SP140: variants seen among roughly 807,000 people sequenced by gnomAD.
The protein encoded by SP140 is nuclear body protein SP140.
SP140 carries 81 observed loss-of-function variants against 125.0 expected under a neutral mutation model. The ratio of observed to expected loss-of-function variants is 0.65; its 90% CI spans 0.54 to 0.78. SP140 has a LOEUF of 0.78. Ranked by LOEUF, SP140 falls within the 30% of genes least tolerant of loss-of-function variation. SP140 has a pLI of 0.00. For synonymous variants in SP140, 312 were observed against 354.0 expected, an observed-to-expected ratio of 0.88 and a Z score of 1.33; for missense variants, 858 against 1,037.0, an observed-to-expected ratio of 0.83 and a Z score of 2.37.
intron 1 of SP140, among the ~76,000 whole-genome samples, chr2:230,205,013 G>A (rs2043608073): frequency 6.6e-6 from 1 of 152,184 alleles, no homozygotes. Context: ...AGTTAGACTG[G>A]ATAGAACTTT....
At chr2:230,273,735 G>A (rs1312873157) in intron 15 of SP140, among the ~76,000 whole-genome samples, 2 of 152,146 alleles carry the variant, frequency 1.3e-5, no homozygotes, top group South Asian at 2.1e-4. Context: ...AGAAAATGTG[G>A]TTCATGTACA....
At chr2:230,191,979 A>T in the SP140 span, among the ~76,000 whole-genome samples, 3 of 152,348 alleles carry the variant, frequency 2.0e-5, no homozygotes, top group East Asian at 3.9e-4. Flanking sequence ...GGTTGGTTCA[A>T]CATACACAAA....
intron 22 of SP140, among the ~76,000 whole-genome samples, chr2:230,302,145 G>A (rs2149553444): frequency 6.6e-6 from 1 of 152,108 alleles, no homozygotes; most frequent in Middle Eastern, 3.4e-3. Flanking sequence ...ACTCACTTTG[G>A]GAGGCCGAGG....
intron 1 of SP140, 94 bp from the exon 2 acceptor site, chr2:230,236,989 T>C: frequency 1.2e-6 from 1 of 858,722 alleles, no homozygotes; most frequent in Non-Finnish European, 1.7e-6. Context: ...ATGTTGGCTC[T>C]CCATTGGCCA....
chr2:230,247,811 T>C, intron 7 of SP140, 105 bp from the exon 8 acceptor site: 1 of 1,217,520 alleles, frequency 8.2e-7, no homozygotes, highest in Non-Finnish European at 1.2e-6. Flanking sequence ...GCCCTGTGCT[T>C]GAAAAAGTCA....
intron 3 of SP140, 145 bp downstream of exon 3, chr2:230,238,526 C>T (rs2048288996): frequency 4.8e-6 from 4 of 835,976 alleles, no homozygotes; most frequent in Admixed American, 5.7e-5. Context: ...GATGAAAAAA[C>T]ACACATGTCC....
At chr2:230,298,983 G>A (rs1459668360) in intron 22 of SP140, among the ~76,000 whole-genome samples, 1 of 152,210 alleles carries the variant, frequency 6.6e-6, no homozygotes, top group Non-Finnish European at 1.5e-5. Flanking sequence ...ACTCTCCTGA[G>A]AGGAGTCTAA....
upstream of SP140, among the ~76,000 whole-genome samples, chr2:230,201,368 T>C (rs2043169127): frequency 6.6e-6 from 1 of 152,206 alleles, no homozygotes; most frequent in East Asian, 1.9e-4. Context: ...TTTGTACAGA[T>C]TGAGCAAGAG....
At position 230,245,926 on chromosome 2, in the gene SP140, C is replaced by T. The variant is rs942616005; in HGVS notation, c.728C>T (p.Pro243Leu). Residue 243 changes from proline to leucine, a missense_variant, in exon 7 of 27, where the codon CCT becomes CTT. Around this residue, in one of 4 missense-constraint regions of SP140, gnomAD observed 791 missense variants for 869.5 expected, o/e 0.91. Coordinates refer to ENST00000392045, the MANE Select transcript of SP140 (RefSeq NM_007237.5). ...GESEEMPKLL[P>L]YDTEVLESNG... ...TCAGAAGAAATGCCCAAGTTACTGC[C>T]TTATGATACAGAAGGTAATTAGGAT... 3.1e-6 allele frequency: 5 copies of T among 1,594,048 alleles called. No individual in the cohort carries two copies. The Admixed American group carries it at 6.7e-5, about 21-fold the overall frequency.
At chr2:230,307,285 C>T (rs2058849952) in intron 22 of SP140, among the ~76,000 whole-genome samples, 1 of 152,214 alleles carries the variant, frequency 6.6e-6, no homozygotes, top group African/African-American at 2.4e-5. Context: ...CATTTGTCAG[C>T]GTCCCTCATT....
intron 15 of SP140, among the ~76,000 whole-genome samples, chr2:230,273,928 C>T (rs2054323175): frequency 6.6e-6 from 1 of 152,058 alleles, no homozygotes; most frequent in South Asian, 2.1e-4. Context: ...AGGAGAACAA[C>T]ACACACTGAA....
At chr2:230,311,714 A>G in intron 26 of SP140, 119 bp downstream of exon 26, 1 of 1,076,174 alleles carries the variant, frequency 9.3e-7, no homozygotes, top group Non-Finnish European at 1.4e-6. Context: ...AGGGTTCTGG[A>G]AGTGATTGAT....
At chr2:230,271,763 C>G (rs888979271) in intron 15 of SP140, among the ~76,000 whole-genome samples, 3 of 152,098 alleles carry the variant, frequency 2.0e-5, no homozygotes, top group African/African-American at 7.2e-5. Context: ...CCAGCCTATC[C>G]AGGTCAAAAA....
Position 230,241,467 on chromosome 2 carries a change from T to C in SP140, c.470T>C (p.Leu157Ser). ...AACGATTTAGAAGATAGACCCAGAT[T>C]ACTACCATATGGTAAACAAGGTAAC... ...NVNDLEDRPR[L>S]LPYGKQENSN... Residue 157 changes from leucine to serine, a missense_variant, in exon 4 of 27, where the codon TTA (leucine) becomes TCA (serine). Physicochemically the swap from Leu to Ser is moderately radical, Grantham distance 145. Transcript: ENST00000392045. The C allele has an allele frequency of 6.3e-7, 1 of 1,578,200 alleles. No homozygotes were observed. The highest frequency in any genetic ancestry group is 8.7e-7 in the Non-Finnish European group (1 of 1,147,326).
At chr2:230,231,800 A>AG (rs1283015665) in intron 1 of SP140, among the ~76,000 whole-genome samples, 1 of 151,786 alleles carries the variant, frequency 6.6e-6, no homozygotes. Context: ...TCTGCCTCCT[A>AG]GGTTCAAGTG....
At chr2:230,299,882 A>G (rs1306087115) in intron 22 of SP140, among the ~76,000 whole-genome samples, 1 of 152,134 alleles carries the variant, frequency 6.6e-6, no homozygotes, top group Non-Finnish European at 1.5e-5. Context: ...CAGCAGAGGC[A>G]GGCATAATCC....
intron 15 of SP140, among the ~76,000 whole-genome samples, chr2:230,277,658 C>T (rs1446409176): frequency 2.0e-5 from 3 of 152,074 alleles, no homozygotes; most frequent in Non-Finnish European, 2.9e-5. Flanking sequence ...TTGTCCACCT[C>T]ATAATTTAGA....
chr2:230,257,492 T>C (rs543815474), intron 12 of SP140, among the ~76,000 whole-genome samples: 32 of 152,102 alleles, frequency 2.1e-4, no homozygotes, highest in Non-Finnish European at 4.0e-4. Context: ...TTAGGCTGGG[T>C]GCAGTGGGTC....
chr2:230,234,489 C>T (rs11687292), intron 1 of SP140, among the ~76,000 whole-genome samples: 27,414 of 152,180 alleles, frequency 0.18, 2,888 homozygotes, highest in African/African-American at 0.27. Context: ...TGCCCTCATA[C>T]GTGAATCATT....
Sources: allele counts gnomAD v4.1 joint callset (sites outside exome capture counted in the v4.1 genomes callset), GRCh38; gene constraint gnomAD v4.1.1; regional missense constraint gnomAD v4.1.1; transcripts MANE v1.5; gene names NCBI Gene and HGNC (gene_info 2026-07-23, HGNC 2026-07-21).